The following MAGEC1 variants were observed in gnomAD, a reference collection of about 807,000 sequenced individuals.
MAGEC1 encodes melanoma-associated antigen C1.
In MAGEC1, 3 loss-of-function variants were observed where a neutral mutation model predicts 1.5. The observed-to-expected ratio is 1.97, with a 90% CI of 0.90 to 5.10. MAGEC1 has a LOEUF of 5.10. Among genes scored for constraint, MAGEC1 ranks in the 30% most tolerant of loss-of-function variants. The probability of loss-of-function intolerance (pLI) is 0.02; values close to 1 mark genes in which losing one functional copy is unlikely to be tolerated. For missense variants in MAGEC1, 985 were observed against 803.1 expected (o/e 1.23, Z -2.74); for synonymous variants, 357 against 310.4 (o/e 1.15, Z -1.58).
Position 141,908,693 on chromosome X carries a change from A to G in MAGEC1, c.3289A>G (p.Ile1097Val), listed in dbSNP as rs759498407. 3.3e-6 allele frequency: 4 copies of G among 1,210,185 alleles called. No homozygotes were observed. The African/African-American group carries it at 7.0e-5, about 21-fold the overall frequency. ...FLAMLKNTVP[I>V]TFPSSYKDAL... is the part of the protein sequence containing the mutation. ...GGCCATGCTAAAGAATACCGTCCCT[A>G]TTACCTTTCCATCCTCTTACAAGGA... is the stretch of plus-strand genomic sequence containing the variant. Residue 1097 changes from isoleucine to valine, a missense_variant, in exon 4 of 4, where the codon ATT (isoleucine) becomes GTT (valine). Coordinates refer to ENST00000285879, the MANE Select transcript of MAGEC1 (RefSeq NM_005462.5).
chrX:141,907,561 C>T lies in MAGEC1; in HGVS notation c.2157C>T (p.Asp719=). Residue 719 remains aspartate, a synonymous_variant, in exon 4 of 4, where the codon GAC becomes GAT. Coordinates refer to ENST00000285879, the MANE Select transcript of MAGEC1 (RefSeq NM_005462.5). ...HFPQSPPEWE[D]SLSPLHFPQF... is the part of the protein sequence containing the mutation. ...CTCAGAGTCCTCCTGAGTGGGAGGA[C>T]TCCCTCTCTCCTCTCCACTTTCCTC... 1 of 1,202,412 alleles carries T rather than the reference C, an allele frequency of 8.3e-7. No homozygotes were observed. The highest frequency in any genetic ancestry group is 3.0e-5 in the East Asian group (1 of 33,617).
In MAGEC1 at chrX:141,908,801, A is replaced by G. The variant is rs774664291; in HGVS notation, c.3397A>G (p.Ser1133Gly). ...DSTATESASS[S>G]VMSPSFSSE ...GACTGCCACAGAAAGTGCAAGCTCC[A>G]GTGTCATGTCCCCCAGCTTCTCTTC... The change falls in exon 4 of 4, where the codon AGT (serine) becomes GGT (glycine). Residue 1133 changes from serine (S) to glycine (G), a missense_variant. Coordinates refer to ENST00000285879, the MANE Select transcript of MAGEC1 (RefSeq NM_005462.5). 3.3e-6 allele frequency: 4 copies of G among 1,204,658 alleles called. No homozygotes were observed. The highest frequency in any genetic ancestry group is 4.4e-5 in the Admixed American group (2 of 45,521).
rs766020160 is a variant in MAGEC1 at position 141,907,219 on chromosome X, C to T, written c.1815C>T (p.Ser605=). ...AGAGCCCTCCTCAGGGGGAGGACTC[C>T]ATGTCTCCTCTCTACTTTCCTCAGA... ...FPQSPPQGED[S]MSPLYFPQSP... is the part of the protein sequence containing the mutation. Residue 605 remains serine (S), a synonymous_variant, in exon 4 of 4, where the codon TCC becomes TCT. Transcript: ENST00000285879. 5.0e-6 allele frequency: 6 copies of T among 1,208,339 alleles called. No homozygotes were observed. The African/African-American group carries it at 1.1e-4, about 21-fold the overall frequency.
Position 141,906,307 on chromosome X carries a change from TCCTCTC to T in MAGEC1, c.905_910del (p.Pro302_Leu303del). On this transcript the variant is annotated inframe_deletion, in exon 4 of 4. Coordinates refer to ENST00000285879, the MANE Select transcript of MAGEC1 (RefSeq NM_005462.5). ...GTACTTTTGAGGGTTTTCCCCAGTC[TCCTCTC>T]CAGATTCCTGTGAGCTCCTCCTCCT... The T allele has an allele frequency of 9.0e-7, 1 of 1,114,569 alleles. No individual in the cohort carries two copies. Among genetic ancestry groups the T allele is most frequent in the Non-Finnish European group, 1.2e-6 (1 of 818,831 alleles). 91.9% of individuals were successfully genotyped at this position (1,114,569 alleles called of 1,213,427 possible).
chrX:141,905,395 T>C lies in MAGEC1; in HGVS notation c.5-14T>C. The stretch of plus-strand genomic sequence containing the variant: ...TCTCATCCTCATCCTCCTCTCTGCT[T>C]CTGCGTTCTCCAGGGGACAAGGATA... On this transcript the variant is annotated splice_polypyrimidine_tract_variant and intron_variant, in intron 3 of 3. Transcript: ENST00000285879. 1 of 1,196,847 alleles carries C rather than the reference T, an allele frequency of 8.4e-7. No individual in the cohort carries two copies. Among genetic ancestry groups the C allele is most frequent in the South Asian group, 1.8e-5 (1 of 55,178 alleles).
rs146350672 is a variant in MAGEC1 at position 141,908,402 on chromosome X, C to T, written c.2998C>T (p.Leu1000=). The T allele has an allele frequency of 5.3e-5, 64 of 1,209,414 alleles. No homozygotes were observed. The African/African-American group carries it at 1.1e-3, about 20-fold the overall frequency. ...DEQGMSQNRL[L]ILILSIIFIK... is the part of the protein sequence containing the mutation. ...GCAGGGCATGTCCCAGAACCGCCTCCTGATTCTTATTCTGAGTATCATCTT... is the reference window on the plus strand; with the variant it reads ...GCAGGGCATGTCCCAGAACCGCCTCTTGATTCTTATTCTGAGTATCATCTT... Residue 1000 remains leucine, a synonymous_variant, in exon 4 of 4, where the codon CTG becomes TTG. Transcript: ENST00000285879.
rs2018182484 is a variant in MAGEC1, at chrX:141,905,901, C to T, written c.497C>T (p.Pro166Leu). 1 of 1,196,608 alleles carries T rather than the reference C, an allele frequency of 8.4e-7. No individual in the cohort carries two copies. The highest frequency in any genetic ancestry group is 1.8e-5 in the South Asian group (1 of 55,050). ...EGFPQSVLQIPVSAASSSTLV... is the reference protein window; with the variant it reads ...EGFPQSVLQILVSAASSSTLV... ...TTTCCCCAGTCTGTTCTCCAGATTCCTGTGAGCGCCGCCTCCTCCTCCACT... is the reference window on the plus strand; with the variant it reads ...TTTCCCCAGTCTGTTCTCCAGATTCTTGTGAGCGCCGCCTCCTCCTCCACT... The change falls in exon 4 of 4, where the codon CCT (proline) becomes CTT (leucine). Residue 166 changes from proline to leucine, a missense_variant. Transcript: ENST00000285879.
chrX:141,906,819 G>T lies in MAGEC1; in HGVS notation c.1415G>T (p.Gly472Val). 8.3e-7 allele frequency: 1 copy of T among 1,204,678 alleles called. No homozygotes were observed. The highest frequency in any genetic ancestry group is 1.1e-6 in the Non-Finnish European group (1 of 893,143). ...GAGAGAACTCACAGTACTTTTGAGG[G>T]TTTTCCCCAGTCTCCTCTCCAGATT... ...SPERTHSTFE[G>V]FPQSPLQIPV... The change falls in exon 4 of 4, where the codon GGT becomes GTT. Residue 472 changes from glycine (G) to valine (V), a missense_variant. Transcript: ENST00000285879.
chrX:141,904,421 C>T (rs2018164104), intron 1 of MAGEC1, among the ~76,000 whole-genome samples: 1 of 110,545 alleles, frequency 9.0e-6, no homozygotes, highest in South Asian at 3.9e-4. Context: ...AGAGTGAGGA[C>T]TGAGGGGTCA....
chrX:141,906,473 TCTC>T lies in MAGEC1; in HGVS notation c.1072_1074del (p.Pro358del), dbSNP rs752189903. The T allele has an allele frequency of 1.7e-6, 2 of 1,197,488 alleles. No individual in the cohort carries two copies. Among genetic ancestry groups the T allele is most frequent in the Non-Finnish European group, 2.3e-6 (2 of 887,907 alleles). ...TACTTTATTGAGTATTTTCCAGAGT[TCTC>T]CTGAGAGTGCTCAAAGTACTTTTGA... On this transcript the variant is annotated inframe_deletion, in exon 4 of 4. Transcript: ENST00000285879.
Position 141,909,033 on chromosome X carries a change from A to G in MAGEC1, c.*200A>G. 3.0e-6 allele frequency: 1 copy of G among 334,862 alleles called. No homozygotes were observed. The highest frequency in any genetic ancestry group is 2.6e-5 in the African/African-American group (1 of 38,985). The allele number at this position is 334,862 out of a possible 1,213,427, so 27.6% of individuals were successfully genotyped here. A position where few individuals can be genotyped will look rare whatever the true frequency, so the allele number is the denominator to read the frequency against. On this transcript the variant is annotated 3_prime_UTR_variant, in exon 4 of 4. Transcript: ENST00000285879. The stretch of plus-strand genomic sequence containing the variant: ...AATAACAGGTTTAAATAGCTTCAGA[A>G]TCCTAGTTTATGCACATGAGTCGCA...
Position 141,907,597 on chromosome X carries a change from T to C in MAGEC1, c.2193T>C (p.Pro731=), listed in dbSNP as rs1167895562. The C allele has an allele frequency of 8.3e-7, 1 of 1,205,482 alleles. No homozygotes were observed. The highest frequency in any genetic ancestry group is 1.1e-6 in the Non-Finnish European group (1 of 893,160). The change falls in exon 4 of 4, where the codon CCT becomes CCC. Residue 731 remains proline (P), a synonymous_variant. Coordinates refer to ENST00000285879, the MANE Select transcript of MAGEC1 (RefSeq NM_005462.5). The stretch of plus-strand genomic sequence containing the variant: ...CTCTCCACTTTCCTCAGTTTCCTCC[T>C]CAGGGGGAGGACTTCCAGTCTTCTC... ...LSPLHFPQFP[P]QGEDFQSSLQ...
At chrX:141,904,338 G>C (rs1381151371) in intron 1 of MAGEC1, among the ~76,000 whole-genome samples, 1 of 110,577 alleles carries the variant, frequency 9.0e-6, no homozygotes, top group Non-Finnish European at 1.9e-5. Context: ...TGTTCTGGGG[G>C]TCCCATGGCA....
In MAGEC1 at chrX:141,908,287, T is replaced by C; in HGVS notation, c.2883T>C (p.Phe961=). Residue 961 remains phenylalanine, a synonymous_variant, in exon 4 of 4, where the codon TTT becomes TTC. Coordinates refer to ENST00000285879, the MANE Select transcript of MAGEC1 (RefSeq NM_005462.5). ...CCCGTGAGTTCATAGAGATACTTTT[T>C]GGCATTTCCCTGAGAGAAGTGGACC... ...RKAREFIEIL[F]GISLREVDPD... is the part of the protein sequence containing the mutation. 2.5e-6 allele frequency: 3 copies of C among 1,211,778 alleles called. No homozygotes were observed. Among genetic ancestry groups the C allele is most frequent in the Non-Finnish European group, 3.4e-6 (3 of 895,500 alleles).
chrX:141,905,854 TA>T lies in MAGEC1; in HGVS notation c.451del (p.Thr151LeufsTer17). On this transcript the variant is annotated frameshift_variant, in exon 4 of 4. Coordinates refer to ENST00000285879, the MANE Select transcript of MAGEC1 (RefSeq NM_005462.5). LOFTEE classifies it low-confidence loss of function (END_TRUNC). ...LSIFQSSPESTQSPFEGFPQS... is the reference protein window; with the variant it reads ...LSIFQSSPESXQSPFEGFPQS... ...GTATTTTCCAGAGTTCCCCTGAGAG[TA>T]CTCAAAGTCCTTTTGAGGGTTTTCC... The T allele has an allele frequency of 8.4e-7, 1 of 1,195,684 alleles. No homozygotes were observed. The highest frequency in any genetic ancestry group is 1.1e-6 in the Non-Finnish European group (1 of 886,502).
chrX:141,906,574 G>A lies in MAGEC1; in HGVS notation c.1170G>A (p.Gln390=), dbSNP rs1448433562. The A allele has an allele frequency of 8.4e-7, 1 of 1,197,444 alleles. No individual in the cohort carries two copies. Among genetic ancestry groups the A allele is most frequent in the African/African-American group, 1.8e-5 (1 of 54,736 alleles). The part of the protein sequence containing the change: ...SFSSTLLSLF[Q]SSPERTHSTF... The stretch of plus-strand genomic sequence containing the variant: ...CCTCCACTTTACTGAGTCTTTTCCA[G>A]AGTTCCCCTGAGAGAACTCACAGTA... The change falls in exon 4 of 4, where the codon CAG becomes CAA. Residue 390 remains glutamine, a synonymous_variant. Coordinates refer to ENST00000285879, the MANE Select transcript of MAGEC1 (RefSeq NM_005462.5).
chrX:141,904,913 G>A, intron 2 of MAGEC1, 57 bp from the exon 3 acceptor site: 1 of 784,443 alleles, frequency 1.3e-6, no homozygotes, highest in Non-Finnish European at 1.9e-6. Flanking sequence ...CATTCCTGGT[G>A]CCTCAGGCTC....
At chrX:141,904,888 G>C in intron 2 of MAGEC1, 74 bp downstream of exon 2, 2 of 632,468 alleles carry the variant, frequency 3.2e-6, no homozygotes, top group Non-Finnish European at 5.0e-6. Context: ...CACCCGGCCT[G>C]TAGCCACCCA....
At position 141,905,540 on chromosome X, in the gene MAGEC1, G is replaced by T; in HGVS notation, c.136G>T (p.Asp46Tyr). Residue 46 changes from aspartate (D) to tyrosine (Y), a missense_variant, in exon 4 of 4, where the codon GAC becomes TAC. Asp to Tyr is a radical substitution (Grantham distance 160). Transcript: ENST00000285879. ...TCCCCAGAGTTCTCCTGAGAGCGACGACACCCTGTATCCTCTCCAGAGTCC... is the reference window on the plus strand; with the variant it reads ...TCCCCAGAGTTCTCCTGAGAGCGACTACACCCTGTATCCTCTCCAGAGTCC... ...QIPQSSPESDDTLYPLQSPQS... is the reference protein window; with the variant it reads ...QIPQSSPESDYTLYPLQSPQS... 8.3e-7 allele frequency: 1 copy of T among 1,210,019 alleles called. No homozygotes were observed. The highest frequency in any genetic ancestry group is 1.8e-5 in the South Asian group (1 of 56,857).
Sources: allele counts gnomAD v4.1 joint callset (sites outside exome capture counted in the v4.1 genomes callset), GRCh38; gene constraint gnomAD v4.1.1; transcripts MANE v1.5; gene names NCBI Gene and HGNC (gene_info 2026-07-23, HGNC 2026-07-21).